OR51B5: variants seen among roughly 807,000 people sequenced by gnomAD.
OR51B5 encodes the protein olfactory receptor 51B5.
For missense variants in OR51B5, 456 were observed against 374.6 expected, an observed-to-expected ratio of 1.22 and a Z score of -1.79; for synonymous variants, 186 against 144.8, an observed-to-expected ratio of 1.28 and a Z score of -2.04.
rs183562384 is a variant in OR51B5 at position 5,350,195 on chromosome 11, A to G, written n.85-3285T>C. On this transcript the variant is annotated intron_variant and non_coding_transcript_variant, in intron 1 of 4. Coordinates refer to the OR51B5 transcript ENST00000415970. ...GTGTCAAGAGAATGACTGAGAAGACAGAAATCACTAGTAGTCTTTACAGGT... is the reference window on the plus strand; with the variant it reads ...GTGTCAAGAGAATGACTGAGAAGACGGAAATCACTAGTAGTCTTTACAGGT... Among the ~76,000 whole-genome samples the G allele has an allele frequency of 3.4e-5, 5 of 146,744 alleles. No homozygotes were observed. In the East Asian group the frequency reaches 9.7e-4, roughly 28 times the overall value.
chr11:5,426,131 A>C lies in OR51B5; in HGVS notation n.85-79221T>G, dbSNP rs892320536. ...CTGTCTTAAAAGGCTAACAAAATAC[A>C]TGATTGTATTTAAATAGAATCCTGG... is the stretch of plus-strand genomic sequence containing the variant. On this transcript the variant is annotated intron_variant and non_coding_transcript_variant, in intron 1 of 4. Transcript: ENST00000415970. 1.6e-4 allele frequency among the ~76,000 whole-genome samples: 25 copies of C among 152,238 alleles called. 1 individual carries two copies. Among genetic ancestry groups the C allele is most frequent in the African/African-American group, 5.8e-4 (24 of 41,468 alleles).
chr11:5,451,027 C>T (rs1850839417), intron 1 of OR51B5, among the ~76,000 whole-genome samples: 1 of 152,234 alleles, frequency 6.6e-6, no homozygotes, highest in South Asian at 2.1e-4. Flanking sequence ...AAGCTCATCT[C>T]ACTGGCTCTC....
chr11:5,392,048 G>A (rs1378587002), intron 1 of OR51B5: 1 of 151,268 alleles, frequency 6.6e-6, no homozygotes, highest in Non-Finnish European at 1.5e-5. Context: ...GTGACCAAGT[G>A]AGACCCCGAT....
intron 1 of OR51B5, among the ~76,000 whole-genome samples, chr11:5,400,249 T>C (rs1475164443): frequency 6.6e-6 from 1 of 152,220 alleles, no homozygotes; most frequent in Non-Finnish European, 1.5e-5. Flanking sequence ...GCATGGTAAG[T>C]GTCCAAGGAT....
At chr11:5,404,384 A>T (rs1850026891) in intron 1 of OR51B5, among the ~76,000 whole-genome samples, 1 of 152,144 alleles carries the variant, frequency 6.6e-6, no homozygotes, top group Non-Finnish European at 1.5e-5. Context: ...AAGATTAGTA[A>T]ATACACCAAT....
At chr11:5,358,074 T>G (rs1352989167) in intron 1 of OR51B5, among the ~76,000 whole-genome samples, 4 of 151,172 alleles carry the variant, frequency 2.6e-5, no homozygotes, top group East Asian at 1.9e-4. Context: ...ACATCACAAT[T>G]AAAAGAACTA....
chr11:5,387,562 A>T (rs1253263004), intron 1 of OR51B5, among the ~76,000 whole-genome samples: 1 of 152,098 alleles, frequency 6.6e-6, no homozygotes, highest in East Asian at 1.9e-4. Context: ...AGCTTGCGTG[A>T]CCTGCAAGAT....
At chr11:5,372,646 T>C (rs1274441710) in intron 1 of OR51B5, among the ~76,000 whole-genome samples, 3 of 152,232 alleles carry the variant, frequency 2.0e-5, no homozygotes, top group Admixed American at 1.3e-4. Flanking sequence ...GAGTTCCTTA[T>C]ATATTTTGGG....
Position 5,451,364 on chromosome 11 carries a change from CTCT to C in OR51B5, n.84+54202_84+54204del, listed in dbSNP as rs1311954467. 8.5e-5 allele frequency among the ~76,000 whole-genome samples: 13 copies of C among 152,308 alleles called. No homozygotes were observed. In the East Asian group the frequency reaches 1.9e-3, roughly 23 times the overall value. On this transcript the variant is annotated intron_variant and non_coding_transcript_variant, in intron 1 of 4. Coordinates refer to the OR51B5 transcript ENST00000415970. ...CTGTTACTTTTACATTGGCTTGGTT[CTCT>C]TCTATGTACTGTGATTACTTTCTAC...
chr11:5,380,038 T>C (rs1313790324), intron 1 of OR51B5, among the ~76,000 whole-genome samples: 1 of 150,840 alleles, frequency 6.6e-6, no homozygotes, highest in Non-Finnish European at 1.5e-5. Context: ...TTATAGCAAA[T>C]CAAAATATGC....
At position 5,452,504 on chromosome 11, in the gene OR51B5, C is replaced by CAAAAAAAAA. The variant is rs56677841; in HGVS notation, n.84+53056_84+53064dup. On this transcript the variant is annotated intron_variant and non_coding_transcript_variant, in intron 1 of 4. Transcript: ENST00000415970. ...TGGGCAAAAGAGAGAGACTCTGTCT[C>CAAAAAAAAA]AAAAAAAAAAAAAAAAAAAAAAAAA... Among the ~76,000 whole-genome samples, 39 of 69,214 alleles carry CAAAAAAAAA rather than the reference C, an allele frequency of 5.6e-4. 2 individuals are homozygous for CAAAAAAAAA. The highest frequency in any genetic ancestry group is 7.3e-4 in the Non-Finnish European group (28 of 38,396). 45.4% of individuals were successfully genotyped at this position (69,214 alleles called of 152,430 possible).
intron 1 of OR51B5, among the ~76,000 whole-genome samples, chr11:5,463,520 A>G (rs1253240614): frequency 1.3e-5 from 2 of 152,224 alleles, no homozygotes. Context: ...TCTTCCTAGC[A>G]GAGATATTTC....
intron 1 of OR51B5, chr11:5,489,481 T>G (rs1851549794): frequency 6.2e-7 from 1 of 1,602,434 alleles, no homozygotes; most frequent in Non-Finnish European, 8.5e-7. Flanking sequence ...CATCCCTGCC[T>G]TCTTCTCCTT....
intron 1 of OR51B5, among the ~76,000 whole-genome samples, chr11:5,480,714 A>G (rs927928671): frequency 1.3e-5 from 2 of 151,238 alleles, no homozygotes; most frequent in African/African-American, 4.9e-5. Flanking sequence ...CTACCATCAG[A>G]GAATACTACA....
intron 1 of OR51B5, among the ~76,000 whole-genome samples, chr11:5,424,431 A>T (rs1850411367): frequency 6.6e-6 from 1 of 152,176 alleles, no homozygotes; most frequent in South Asian, 2.1e-4. Flanking sequence ...CGACTCACAG[A>T]TTGAATCCCA....
downstream of OR51B5, chr11:5,341,438 A>T (rs1848890475): frequency 6.6e-6 from 1 of 152,198 alleles, no homozygotes; most frequent in Non-Finnish European, 1.5e-5. Flanking sequence ...ATCGGGGTAA[A>T]ACACCAAAGA....
chr11:5,428,272 CAA>C (rs146834692), intron 1 of OR51B5, among the ~76,000 whole-genome samples: 5 of 151,048 alleles, frequency 3.3e-5, no homozygotes, highest in Admixed American at 6.6e-5. Context: ...GTGAATATTG[CAA>C]AAAAAAGAGT....
At chr11:5,359,942 C>T (rs9704788) in intron 1 of OR51B5, among the ~76,000 whole-genome samples, 57,824 of 152,002 alleles carry the variant, frequency 0.38, 11,217 homozygotes, top group Non-Finnish European at 0.41. Context: ...GCTAACCATA[C>T]GCAGAAAGCT....
At chr11:5,468,077 T>C (rs571655268) in intron 1 of OR51B5, among the ~76,000 whole-genome samples, 1 of 152,226 alleles carries the variant, frequency 6.6e-6, no homozygotes, top group Non-Finnish European at 1.5e-5. Context: ...TTAAAGATAT[T>C]CAGAATGATT....
Sources: gnomAD v4.1 joint callset for allele counts (sites outside exome capture counted in the v4.1 genomes callset) on GRCh38, gnomAD v4.1.1 for gene constraint, MANE v1.5 for transcripts, NCBI Gene and HGNC (gene_info 2026-07-23, HGNC 2026-07-21) for gene names.